Variants in HP1BP3 observed in about 807,000 individuals in gnomAD.
HP1BP3 encodes the protein heterochromatin protein 1 binding protein 3, also known as heterochromatin protein 1-binding protein 3.
In HP1BP3, 12 loss-of-function variants were observed where a neutral mutation model predicts 62.5. That is an observed-to-expected ratio of 0.19 (90% CI 0.12 to 0.31). The LOEUF (loss-of-function observed/expected upper bound fraction) is 0.31. Ranked by LOEUF, HP1BP3 falls within the 10% of genes least tolerant of loss-of-function variation. The pLI is 1.00. For missense variants in HP1BP3, 502 were observed against 651.8 expected (o/e 0.77, Z 2.50); for synonymous variants, 260 against 237.8 (o/e 1.09, Z -0.86).
chr1:20,773,785 T>A (rs116589555), intron 4 of HP1BP3, 175 bp from the exon 5 acceptor site: 331 of 452,472 alleles, frequency 7.3e-4, no homozygotes, highest in African/African-American at 6.1e-3. Flanking sequence ...AAAAACTGGG[T>A]ACTATAAATG....
rs562817321 is a variant in HP1BP3, at chr1:20,780,236, A to G, written c.96+109T>C. 9.5e-5 allele frequency: 76 copies of G among 798,140 alleles called. 3 individuals carry two copies. In the South Asian group the frequency reaches 1.1e-3, roughly 12 times the overall value. 49.4% of individuals were successfully genotyped at this position (798,140 alleles called of 1,614,324 possible). ...AATCTGATTTTGTTTCAAATTCACAACCTAGACTCCCCAAAGTAAGGGAAG... is the reference window on the plus strand; with the variant it reads ...AATCTGATTTTGTTTCAAATTCACAGCCTAGACTCCCCAAAGTAAGGGAAG... On this transcript the variant is annotated intron_variant, in intron 2 of 12. Transcript: ENST00000438032.
chr1:20,760,059 T>C (rs939151917), intron 8 of HP1BP3, among the ~76,000 whole-genome samples: 1 of 151,958 alleles, frequency 6.6e-6, no homozygotes, highest in Non-Finnish European at 1.5e-5. Flanking sequence ...CGGCTAATTT[T>C]TGTATGCTTA....
chr1:20,765,612 A>C, intron 7 of HP1BP3, 81 bp from the exon 8 acceptor site: 1 of 1,116,120 alleles, frequency 9.0e-7, no homozygotes, highest in Non-Finnish European at 1.3e-6. Flanking sequence ...TCCTCAGTTG[A>C]TTACCAAATT....
chr1:20,785,894 A>G (rs2057800089), intron 1 of HP1BP3, among the ~76,000 whole-genome samples: 1 of 152,228 alleles, frequency 6.6e-6, no homozygotes, highest in Non-Finnish European at 1.5e-5. Flanking sequence ...AAATTAGAGC[A>G]CCTTTCAAAA....
intron 1 of HP1BP3, among the ~76,000 whole-genome samples, chr1:20,782,263 G>A (rs2057589244): frequency 6.6e-6 from 1 of 152,040 alleles, no homozygotes; most frequent in African/African-American, 2.4e-5. Context: ...CATTAGACTT[G>A]GTCTTTACCA....
rs1434559702 is a variant in HP1BP3, at chr1:20,743,527, G to C, written c.*1270C>G. ...AAATACAAAAAATTAGCTGGGCGTGGTCGTGTGCGCCTGTAGGACCCAACT... is the reference window on the plus strand; with the variant it reads ...AAATACAAAAAATTAGCTGGGCGTGCTCGTGTGCGCCTGTAGGACCCAACT... On this transcript the variant is annotated 3_prime_UTR_variant, in exon 13 of 13. Transcript: ENST00000438032. The C allele has an allele frequency of 6.6e-6, 1 of 151,924 alleles. No homozygotes were observed. The allele number at this position is 151,924 out of a possible 1,614,324, so 9.4% of individuals were successfully genotyped here. A position where few individuals can be genotyped will look rare whatever the true frequency, so the allele number is the denominator to read the frequency against.
chr1:20,778,920 G>A (rs980408766), intron 3 of HP1BP3, among the ~76,000 whole-genome samples: 3 of 151,938 alleles, frequency 2.0e-5, no homozygotes, highest in African/African-American at 7.3e-5. Context: ...CTCCTGAGTA[G>A]CAGGGATTAC....
intron 11 of HP1BP3, among the ~76,000 whole-genome samples, chr1:20,747,317 C>A (rs529308288): frequency 6.6e-6 from 1 of 151,954 alleles, no homozygotes; most frequent in South Asian, 2.1e-4. Context: ...CCACAGGATG[C>A]GAAGCCTGCA....
intron 6 of HP1BP3, among the ~76,000 whole-genome samples, chr1:20,769,387 G>T (rs2056946406): frequency 1.3e-5 from 2 of 152,126 alleles, no homozygotes; most frequent in East Asian, 3.9e-4. Flanking sequence ...GCAAAACCTT[G>T]TCTCTACAAA....
Position 20,780,493 on chromosome 1 carries a change from T to C in HP1BP3, c.-53A>G. 1 of 1,276,426 alleles carries C rather than the reference T, an allele frequency of 7.8e-7. No homozygotes were observed. The highest frequency in any genetic ancestry group is 1.1e-6 in the Non-Finnish European group (1 of 874,050). 79.1% of individuals were successfully genotyped at this position (1,276,426 alleles called of 1,614,324 possible). On this transcript the variant is annotated 5_prime_UTR_variant, in exon 2 of 13. Transcript: ENST00000438032. ...GGTTACACTCTGAAGCCTCTGCTGTTAACCACAAGGATTTTTCCTAATGGT... is the reference window on the plus strand; with the variant it reads ...GGTTACACTCTGAAGCCTCTGCTGTCAACCACAAGGATTTTTCCTAATGGT...
At chr1:20,762,741 T>C (rs2056556599) in intron 8 of HP1BP3, among the ~76,000 whole-genome samples, 1 of 152,110 alleles carries the variant, frequency 6.6e-6, no homozygotes, top group Non-Finnish European at 1.5e-5. Context: ...ACCTTACATA[T>C]ATTAATGTCT....
intron 9 of HP1BP3, among the ~76,000 whole-genome samples, chr1:20,754,521 C>T (rs1209582516): frequency 6.6e-5 from 10 of 151,578 alleles, no homozygotes; most frequent in East Asian, 3.8e-4. Flanking sequence ...GTACAGGACC[C>T]GGCATAGTCA....
Position 20,743,238 on chromosome 1 carries a change from A to G in HP1BP3, c.*1559T>C, listed in dbSNP as rs551708764. 3 of 152,758 alleles carry G rather than the reference A, an allele frequency of 2.0e-5. No individual in the cohort carries two copies. In the South Asian group the frequency reaches 6.2e-4, roughly 32 times the overall value. 9.5% of individuals were successfully genotyped at this position (152,758 alleles called of 1,614,324 possible). Reference sequence around the variant, plus strand: ...ATGTAGAATCTAGTTTATTTTACCAAACTGTATATTTTTCCACTTAACATT... The same window carrying G: ...ATGTAGAATCTAGTTTATTTTACCAGACTGTATATTTTTCCACTTAACATT... On this transcript the variant is annotated 3_prime_UTR_variant, in exon 13 of 13. Coordinates refer to ENST00000438032, the MANE Select transcript of HP1BP3 (RefSeq NM_001372052.1).
chr1:20,751,601 T>C (rs905049128), intron 9 of HP1BP3, among the ~76,000 whole-genome samples: 2 of 151,976 alleles, frequency 1.3e-5, no homozygotes, highest in African/African-American at 2.4e-5. Flanking sequence ...GGCATGCCTG[T>C]AGCCTACCTA....
chr1:20,784,338 TG>T (rs1204089863), intron 1 of HP1BP3, among the ~76,000 whole-genome samples: 1 of 152,206 alleles, frequency 6.6e-6, no homozygotes, highest in Non-Finnish European at 1.5e-5. Context: ...CTGCCACACT[TG>T]TTCCTGGCAG....
intron 4 of HP1BP3, chr1:20,775,824 A>G: frequency 1.3e-6 from 1 of 763,144 alleles, no homozygotes; most frequent in Non-Finnish European, 2.0e-6. Flanking sequence ...GGTATGTAGT[A>G]GGCTGTACCA....
At position 20,740,338 on chromosome 1, in the gene HP1BP3, AAG is replaced by A. The variant is rs764442522; in HGVS notation, c.*4457_*4458del. On this transcript the variant is annotated 3_prime_UTR_variant, in exon 13 of 13. Transcript: ENST00000438032. ...CATTATATACAATATCAGGAAAAAA[AAG>A]AGTTGTAATTTTTGAGGAAAATCGC... 1.8e-4 allele frequency among the ~76,000 whole-genome samples: 28 copies of A among 152,342 alleles called. No individual in the cohort carries two copies. Among genetic ancestry groups the A allele is most frequent in the Non-Finnish European group, 3.4e-4 (23 of 68,042 alleles).
intron 8 of HP1BP3, among the ~76,000 whole-genome samples, chr1:20,761,216 T>G (rs914239719): frequency 1.3e-5 from 2 of 151,978 alleles, no homozygotes; most frequent in Non-Finnish European, 2.9e-5. Flanking sequence ...GGCTAATTTT[T>G]TTGTATTTTT....
intron 10 of HP1BP3, among the ~76,000 whole-genome samples, chr1:20,748,518 C>T (rs906549090): frequency 6.6e-6 from 1 of 152,042 alleles, no homozygotes; most frequent in Non-Finnish European, 1.5e-5. Context: ...AGGCCGAGGC[C>T]GGCAGATCAC....
Sources: gnomAD v4.1 joint callset for allele counts (sites outside exome capture counted in the v4.1 genomes callset) on GRCh38, gnomAD v4.1.1 for gene constraint, MANE v1.5 for transcripts, NCBI Gene and HGNC (gene_info 2026-07-23, HGNC 2026-07-21) for gene names.